GPC6: variants seen among roughly 807,000 people sequenced by gnomAD.
GPC6 encodes the protein glypican 6, also known as glypican-6.
Under a neutral mutation model 55.2 loss-of-function variants are expected in GPC6, and 14 were observed. The observed-to-expected ratio is 0.25, with a 90% CI of 0.17 to 0.40. The LOEUF is 0.40. GPC6 is among the 10% of genes least tolerant of loss of function. The pLI, the probability that GPC6 is intolerant of heterozygous loss-of-function variation, is 1.00. For missense variants in GPC6, 641 were observed against 708.5 expected (o/e 0.90, Z 1.08); for synonymous variants, 278 against 259.6 (o/e 1.07, Z -0.68).
At chr13:93,772,816 C>G (rs1036123738) in intron 2 of GPC6, among the ~76,000 whole-genome samples, 1 of 152,092 alleles carries the variant, frequency 6.6e-6, no homozygotes, top group African/African-American at 2.4e-5. Flanking sequence ...GCCAAGTGCC[C>G]AGATGCACTA....
At chr13:94,354,178 ACTT>A (rs1878680995) in intron 6 of GPC6, among the ~76,000 whole-genome samples, 1 of 152,130 alleles carries the variant, frequency 6.6e-6, no homozygotes, top group East Asian at 1.9e-4. Flanking sequence ...ATCTAGTCAA[ACTT>A]CTGCTCTCCA....
intron 2 of GPC6, among the ~76,000 whole-genome samples, chr13:93,755,360 C>T (rs1193337583): frequency 6.6e-6 from 1 of 152,118 alleles, no homozygotes; most frequent in Non-Finnish European, 1.5e-5. Context: ...CAAAAAAATC[C>T]ACCACTTTTG....
rs556509438 is a variant in GPC6 at position 93,389,752 on chromosome 13, T to C, written c.161-155511T>C. 4.6e-5 allele frequency among the ~76,000 whole-genome samples: 7 copies of C among 152,152 alleles called. No individual in the cohort carries two copies. The South Asian group carries it at 1.2e-3, about 27-fold the overall frequency. On this transcript the variant is annotated intron_variant, in intron 1 of 8. Transcript: ENST00000377047. ...AAGGGAAATCAGCATGGAATCATGT[T>C]ACATTTATTTATTTATTTACATATA...
At chr13:94,297,217 C>G (rs1412543726) in intron 5 of GPC6, among the ~76,000 whole-genome samples, 1 of 152,068 alleles carries the variant, frequency 6.6e-6, no homozygotes, top group Non-Finnish European at 1.5e-5. Flanking sequence ...CTTCTCCAAA[C>G]CCTCTTGGGA....
At chr13:93,618,374 C>T (rs576328351) in intron 2 of GPC6, among the ~76,000 whole-genome samples, 2 of 152,194 alleles carry the variant, frequency 1.3e-5, no homozygotes, top group Admixed American at 1.3e-4. Flanking sequence ...TGTACACCTA[C>T]TTCTGCCCTA....
chr13:93,986,307 A>C (rs1881029038), intron 3 of GPC6, among the ~76,000 whole-genome samples: 1 of 152,096 alleles, frequency 6.6e-6, no homozygotes, highest in South Asian at 2.1e-4. Flanking sequence ...TAGACATTCA[A>C]CTCTGTGATC....
intron 2 of GPC6, among the ~76,000 whole-genome samples, chr13:93,692,278 T>C (rs1478004948): frequency 6.6e-6 from 1 of 152,142 alleles, no homozygotes; most frequent in Non-Finnish European, 1.5e-5. Flanking sequence ...TTCCCGTAAT[T>C]TAAGAAATTT....
At chr13:93,987,376 A>C (rs574322494) in intron 3 of GPC6, among the ~76,000 whole-genome samples, 6 of 152,350 alleles carry the variant, frequency 3.9e-5, no homozygotes, top group Admixed American at 3.3e-4. Context: ...CCTCTTATGC[A>C]CTTAATAAGA....
chr13:93,896,738 C>T (rs780831941), intron 3 of GPC6, among the ~76,000 whole-genome samples: 7 of 151,990 alleles, frequency 4.6e-5, no homozygotes, highest in Non-Finnish European at 1.0e-4. Flanking sequence ...TTCCTGTTAG[C>T]CTCTTACTCT....
chr13:93,539,643 G>A (rs778953442), intron 1 of GPC6, among the ~76,000 whole-genome samples: 5 of 151,600 alleles, frequency 3.3e-5, no homozygotes, highest in Non-Finnish European at 5.9e-5. Flanking sequence ...GGATAAATCT[G>A]TGATTAGTAA....
At chr13:93,253,931 A>G (rs1418610111) in intron 1 of GPC6, among the ~76,000 whole-genome samples, 6 of 152,250 alleles carry the variant, frequency 3.9e-5, no homozygotes, top group Non-Finnish European at 7.3e-5. Context: ...CATTTATCAC[A>G]TATGATTATC....
intron 4 of GPC6, among the ~76,000 whole-genome samples, chr13:94,126,631 T>C (rs1376123691): frequency 6.6e-6 from 1 of 152,074 alleles, no homozygotes; most frequent in African/African-American, 2.4e-5. Context: ...CATCAATTAA[T>C]AGAAGGGTAA....
At chr13:93,422,570 C>A (rs1389333318) in intron 1 of GPC6, among the ~76,000 whole-genome samples, 1 of 152,158 alleles carries the variant, frequency 6.6e-6, no homozygotes, top group African/African-American at 2.4e-5. Flanking sequence ...TGGTTCCTTT[C>A]AGTCTTTTTT....
intron 4 of GPC6, among the ~76,000 whole-genome samples, chr13:94,131,975 G>T (rs1887019179): frequency 6.6e-6 from 1 of 152,176 alleles, no homozygotes; most frequent in Admixed American, 6.6e-5. Flanking sequence ...GAGAAATAAT[G>T]ACAGATTTCT....
intron 1 of GPC6, among the ~76,000 whole-genome samples, chr13:93,327,350 G>A (rs567595832): frequency 7.0e-4 from 106 of 152,108 alleles, no homozygotes; most frequent in Non-Finnish European, 1.3e-3. Context: ...TTGAGATGAT[G>A]TGGTCTGTGT....
At chr13:94,369,565 C>A (rs1007003236) in intron 6 of GPC6, among the ~76,000 whole-genome samples, 7 of 152,120 alleles carry the variant, frequency 4.6e-5, no homozygotes, top group Non-Finnish European at 8.8e-5. Context: ...TTGCAAAGAC[C>A]CTTTAAGATG....
At chr13:93,309,185 A>G (rs555254816) in intron 1 of GPC6, among the ~76,000 whole-genome samples, 1 of 152,322 alleles carries the variant, frequency 6.6e-6, no homozygotes, top group Admixed American at 6.5e-5. Context: ...TACAATGTAA[A>G]TGATATGCTT....
chr13:93,814,830 A>C (rs1886799466), intron 2 of GPC6, among the ~76,000 whole-genome samples: 1 of 152,196 alleles, frequency 6.6e-6, no homozygotes, highest in Non-Finnish European at 1.5e-5. Context: ...TCTGCTCTTG[A>C]TGATAACTGA....
chr13:94,123,268 T>G (rs1169991989), intron 4 of GPC6, among the ~76,000 whole-genome samples: 3 of 152,072 alleles, frequency 2.0e-5, no homozygotes, highest in Non-Finnish European at 4.4e-5. Flanking sequence ...AAATTAAGTC[T>G]GAGCTATAAA....
Sources: gnomAD v4.1 joint callset for allele counts (sites outside exome capture counted in the v4.1 genomes callset) on GRCh38, gnomAD v4.1.1 for gene constraint, MANE v1.5 for transcripts, NCBI Gene and HGNC (gene_info 2026-07-23, HGNC 2026-07-21) for gene names.